The following PABPC4L variants were observed in gnomAD, a reference collection of about 807,000 sequenced individuals.
PABPC4L encodes polyadenylate-binding protein 4-like.
For missense variants in PABPC4L, 452 were observed against 451.4 expected, an observed-to-expected ratio of 1.00 and a Z score of -0.01; for synonymous variants, 169 against 164.1, an observed-to-expected ratio of 1.03 and a Z score of -0.23.
chr4:133,982,757 G>A, the PABPC4L span, among the ~76,000 whole-genome samples: 2 of 151,836 alleles, frequency 1.3e-5, no homozygotes, highest in African/African-American at 4.8e-5. Context: ...GCTTTATGCA[G>A]TAAAATTAGT....
At chr4:134,137,864 C>G in the PABPC4L span, among the ~76,000 whole-genome samples, 1 of 151,810 alleles carries the variant, frequency 6.6e-6, no homozygotes, top group East Asian at 1.9e-4. Flanking sequence ...TTTATCTTCT[C>G]TAATTATAAA....
At chr4:134,033,597 A>G in the PABPC4L span, among the ~76,000 whole-genome samples, 1 of 152,094 alleles carries the variant, frequency 6.6e-6, no homozygotes, top group East Asian at 1.9e-4. Flanking sequence ...TACAAATGAT[A>G]AGGAAGTGAA....
chr4:134,021,768 G>A, the PABPC4L span, among the ~76,000 whole-genome samples: 1 of 152,004 alleles, frequency 6.6e-6, no homozygotes, highest in Admixed American at 6.6e-5. Context: ...TATTTTGAAT[G>A]GTCCATTTAG....
chr4:134,120,031 T>C, the PABPC4L span, among the ~76,000 whole-genome samples: 6 of 151,672 alleles, frequency 4.0e-5, no homozygotes, highest in African/African-American at 9.7e-5. Flanking sequence ...TTTTATATAC[T>C]GCTCTGGACA....
chr4:134,164,493 C>T, the PABPC4L span, among the ~76,000 whole-genome samples: 4 of 151,922 alleles, frequency 2.6e-5, no homozygotes, highest in African/African-American at 9.7e-5. Context: ...AGCAACCAAG[C>T]TGAGAATCAA....
the PABPC4L span, among the ~76,000 whole-genome samples, chr4:134,131,317 C>T: frequency 6.6e-6 from 1 of 151,930 alleles, no homozygotes; most frequent in African/African-American, 2.4e-5. Flanking sequence ...CCAAAAATCT[C>T]CTAGATATAG....
chr4:134,032,781 T>C, the PABPC4L span, among the ~76,000 whole-genome samples: 1 of 151,888 alleles, frequency 6.6e-6, no homozygotes, highest in Non-Finnish European at 1.5e-5. Context: ...TTTAAATCTT[T>C]AATTATTCTA....
the PABPC4L span, among the ~76,000 whole-genome samples, chr4:134,171,698 C>T: frequency 2.6e-5 from 4 of 152,108 alleles, no homozygotes; most frequent in South Asian, 8.3e-4. Flanking sequence ...TGAAAGGCAT[C>T]TAAATAGGAG....
At chr4:134,026,239 CG>C in the PABPC4L span, among the ~76,000 whole-genome samples, 92 of 138,920 alleles carry the variant, frequency 6.6e-4, no homozygotes, top group Non-Finnish European at 1.1e-3. Flanking sequence ...ATAATTTTTG[CG>C]ATTTTTTTTT....
At chr4:134,008,357 T>G in the PABPC4L span, among the ~76,000 whole-genome samples, 1 of 151,862 alleles carries the variant, frequency 6.6e-6, no homozygotes, top group Admixed American at 6.6e-5. Context: ...ATAGATGTCT[T>G]GCCACAACTT....
the PABPC4L span, among the ~76,000 whole-genome samples, chr4:134,059,782 G>A: frequency 4.0e-4 from 61 of 152,052 alleles, no homozygotes; most frequent in Non-Finnish European, 7.2e-4. Flanking sequence ...AAAGAGAGGC[G>A]AAGCAAGATG....
the PABPC4L span, among the ~76,000 whole-genome samples, chr4:134,185,597 A>C: frequency 6.6e-6 from 1 of 152,122 alleles, no homozygotes. Flanking sequence ...AGGGGCAAAA[A>C]CTGGAAGCAT....
chr4:134,095,646 C>G, the PABPC4L span, among the ~76,000 whole-genome samples: 1 of 151,944 alleles, frequency 6.6e-6, no homozygotes, highest in Admixed American at 6.6e-5. Flanking sequence ...TAAATTTTCA[C>G]TTTTCATAAG....
At chr4:133,954,357 A>G in the PABPC4L span, among the ~76,000 whole-genome samples, 2 of 152,208 alleles carry the variant, frequency 1.3e-5, no homozygotes, top group Non-Finnish European at 2.9e-5. Context: ...AGCATAACCC[A>G]TCTCTTCTTG....
chr4:133,989,265 T>C, the PABPC4L span, among the ~76,000 whole-genome samples: 1 of 152,336 alleles, frequency 6.6e-6, no homozygotes, highest in East Asian at 1.9e-4. Flanking sequence ...AAATGGGTTT[T>C]TCTTTTCTAT....
the PABPC4L span, among the ~76,000 whole-genome samples, chr4:134,128,023 G>C: frequency 6.6e-6 from 1 of 152,090 alleles, no homozygotes; most frequent in Non-Finnish European, 1.5e-5. Flanking sequence ...ACACTGGAAA[G>C]TTTCAACAAT....
chr4:134,037,901 G>T, the PABPC4L span, among the ~76,000 whole-genome samples: 1 of 151,990 alleles, frequency 6.6e-6, no homozygotes, highest in Non-Finnish European at 1.5e-5. Flanking sequence ...GCCTTATGCC[G>T]GTTGTCAAAG....
chr4:134,078,210 C>T, the PABPC4L span, among the ~76,000 whole-genome samples: 2 of 152,138 alleles, frequency 1.3e-5, no homozygotes, highest in Non-Finnish European at 1.5e-5. Flanking sequence ...AGAATTAGTT[C>T]ACCCATGTTC....
chr4:133,949,876 G>A, the PABPC4L span, among the ~76,000 whole-genome samples: 2 of 152,116 alleles, frequency 1.3e-5, no homozygotes, highest in Non-Finnish European at 2.9e-5. Context: ...TCCATAGTAG[G>A]AAGGTCAGTA....
Sources: allele counts gnomAD v4.1 joint callset (sites outside exome capture counted in the v4.1 genomes callset), GRCh38; gene constraint gnomAD v4.1.1; transcripts MANE v1.5; gene names NCBI Gene and HGNC (gene_info 2026-07-23, HGNC 2026-07-21).